The following DLG2 variants were observed in gnomAD, a reference collection of about 807,000 sequenced individuals.
The protein encoded by DLG2 is disks large homolog 2.
In DLG2, 45 loss-of-function variants were observed where a neutral mutation model predicts 132.5. The ratio of observed to expected loss-of-function variants is 0.34; its 90% CI spans 0.27 to 0.44. The LOEUF (loss-of-function observed/expected upper bound fraction) is 0.44. Ranked by LOEUF, DLG2 falls within the 20% of genes least tolerant of loss-of-function variation. DLG2 has a pLI of 1.00. For synonymous variants in DLG2, 424 were observed against 419.6 expected (o/e 1.01, Z -0.13); for missense variants, 1,045 against 1,196.9 (o/e 0.87, Z 1.87).
chr11:85,497,214 C>A (rs949196118), intron 3 of DLG2, among the ~76,000 whole-genome samples: 2 of 151,676 alleles, frequency 1.3e-5, no homozygotes, highest in African/African-American at 4.8e-5. Flanking sequence ...CTAGAATAGC[C>A]AGTGTAGAGA....
chr11:83,731,282 C>T (rs2090958417), intron 18 of DLG2, among the ~76,000 whole-genome samples: 1 of 152,168 alleles, frequency 6.6e-6, no homozygotes. Context: ...TGCTCTCCCT[C>T]CCCTCTCCCC....
chr11:84,948,415 G>A (rs1347275959), intron 6 of DLG2, among the ~76,000 whole-genome samples: 1 of 152,210 alleles, frequency 6.6e-6, no homozygotes, highest in African/African-American at 2.4e-5. Flanking sequence ...GTGGAAAAGT[G>A]TGGCAGACAG....
At chr11:84,057,002 T>C (rs184457429) in intron 11 of DLG2, among the ~76,000 whole-genome samples, 1 of 152,212 alleles carries the variant, frequency 6.6e-6, no homozygotes, top group East Asian at 1.9e-4. Flanking sequence ...TAGACCAAGC[T>C]CACTTGTAAC....
chr11:84,407,016 C>G (rs918001806), intron 7 of DLG2, among the ~76,000 whole-genome samples: 1 of 152,166 alleles, frequency 6.6e-6, no homozygotes, highest in Non-Finnish European at 1.5e-5. Context: ...GGCCCAAATT[C>G]TAAAACTTTA....
intron 21 of DLG2, among the ~76,000 whole-genome samples, chr11:83,493,914 A>G (rs764067141): frequency 1.1e-4 from 17 of 152,150 alleles, no homozygotes; most frequent in Non-Finnish European, 2.4e-4. Context: ...GGAGAAGCTG[A>G]ACAAATAATA....
At chr11:85,415,587 G>T (rs947783257) in intron 3 of DLG2, among the ~76,000 whole-genome samples, 1 of 152,022 alleles carries the variant, frequency 6.6e-6, no homozygotes, top group African/African-American at 2.4e-5. Flanking sequence ...TTGCGATTTT[G>T]ATTTGCATTT....
chr11:84,642,466 A>T (rs1450990930), intron 6 of DLG2, among the ~76,000 whole-genome samples: 2 of 152,166 alleles, frequency 1.3e-5, no homozygotes, highest in Admixed American at 6.5e-5. Context: ...AAATTTCTGC[A>T]ATCACTCATA....
intron 6 of DLG2, among the ~76,000 whole-genome samples, chr11:84,779,540 G>A (rs925821346): frequency 6.6e-6 from 1 of 151,976 alleles, no homozygotes. Context: ...TTTCCAATTT[G>A]GATGCCTTTT....
intron 19 of DLG2, among the ~76,000 whole-genome samples, chr11:83,621,563 G>A (rs568522790): frequency 6.6e-6 from 1 of 152,202 alleles, no homozygotes; most frequent in South Asian, 2.1e-4. Context: ...ATGACTCAAA[G>A]TGGCCCCTTG....
Position 84,502,237 on chromosome 11 carries a change from T to TC in DLG2, c.519+32332dup, listed in dbSNP as rs1274580114. Among the ~76,000 whole-genome samples, 7 of 35,962 alleles carry TC rather than the reference T, an allele frequency of 1.9e-4. 1 individual carries two copies. The African/African-American group carries it at 2.5e-3, about 13-fold the overall frequency. The allele number at this position is 35,962 out of a possible 152,430, so 23.6% of individuals were successfully genotyped here. A position where few individuals can be genotyped will look rare whatever the true frequency, so the allele number is the denominator to read the frequency against. On this transcript the variant is annotated intron_variant, in intron 7 of 27. Coordinates refer to ENST00000376104, the MANE Select transcript of DLG2 (RefSeq NM_001142699.3). ...TTCCTTCCTTCCTTCCTTCCTTCCTTCCTTCCTTCCTTCCTTCCTTCCTTC... is the reference window on the plus strand; with the variant it reads ...TTCCTTCCTTCCTTCCTTCCTTCCTTCCCTTCCTTCCTTCCTTCCTTCCTTC...
At chr11:83,554,494 C>A (rs549582400) in intron 19 of DLG2, among the ~76,000 whole-genome samples, 1 of 152,278 alleles carries the variant, frequency 6.6e-6, no homozygotes, top group East Asian at 1.9e-4. Context: ...GGCTGGTATA[C>A]AGATACATGA....
chr11:84,886,521 A>G (rs1600832283), intron 6 of DLG2, among the ~76,000 whole-genome samples: 1 of 152,114 alleles, frequency 6.6e-6, no homozygotes, highest in South Asian at 2.1e-4. Context: ...ATCTCTTGGC[A>G]CCACTGTCAG....
chr11:84,040,162 T>C (rs1372544017), intron 11 of DLG2, among the ~76,000 whole-genome samples: 4 of 150,344 alleles, frequency 2.7e-5, no homozygotes, highest in Non-Finnish European at 6.0e-5. Context: ...TTCTCCCATT[T>C]TGTAGGTTGC....
intron 10 of DLG2, among the ~76,000 whole-genome samples, chr11:84,079,063 G>A (rs1055380324): frequency 1.3e-5 from 2 of 152,088 alleles, no homozygotes; most frequent in African/African-American, 4.8e-5. Context: ...CTCAGCACCT[G>A]ATATGGGGCC....
chr11:83,757,394 G>C (rs1022246491), intron 18 of DLG2, among the ~76,000 whole-genome samples: 1 of 152,182 alleles, frequency 6.6e-6, no homozygotes. Context: ...TTCAAAGCTA[G>C]AAAGTCATCA....
At chr11:84,087,168 T>G (rs2096998989) in intron 10 of DLG2, among the ~76,000 whole-genome samples, 1 of 152,188 alleles carries the variant, frequency 6.6e-6, no homozygotes, top group Admixed American at 6.5e-5. Flanking sequence ...CTTGGGTATA[T>G]GCTAGGAGTA....
chr11:85,403,449 C>A (rs1214126350), intron 3 of DLG2, among the ~76,000 whole-genome samples: 5 of 151,828 alleles, frequency 3.3e-5, no homozygotes, highest in Admixed American at 3.3e-4. Context: ...AGTAACAAAC[C>A]TGCACATTGT....
chr11:84,839,100 T>C (rs2080231321), intron 6 of DLG2, among the ~76,000 whole-genome samples: 1 of 152,088 alleles, frequency 6.6e-6, no homozygotes, highest in African/African-American at 2.4e-5. Context: ...AACCCCATCG[T>C]CTCAGCCCAA....
chr11:83,577,915 TA>T (rs1335182291), intron 19 of DLG2, among the ~76,000 whole-genome samples: 1 of 131,372 alleles, frequency 7.6e-6, no homozygotes, highest in Non-Finnish European at 1.6e-5. Flanking sequence ...TATGTATAAT[TA>T]TATATATTTA....
Sources: gnomAD v4.1 joint callset for allele counts (sites outside exome capture counted in the v4.1 genomes callset) on GRCh38, gnomAD v4.1.1 for gene constraint, MANE v1.5 for transcripts, NCBI Gene and HGNC (gene_info 2026-07-23, HGNC 2026-07-21) for gene names.